Variants in RBFOX1 observed in about 807,000 individuals in gnomAD.
The protein encoded by RBFOX1 is RNA binding fox-1 homolog 1, also known as RNA binding protein fox-1 homolog 1.
In RBFOX1, 8 loss-of-function variants were observed where a neutral mutation model predicts 57.7. The observed-to-expected ratio is 0.14, with a 90% CI of 0.08 to 0.25. The LOEUF (loss-of-function observed/expected upper bound fraction) is 0.25. Among genes scored for constraint, RBFOX1 ranks in the 10% least tolerant of loss-of-function variants. RBFOX1 has a pLI of 1.00. For synonymous variants in RBFOX1, 326 were observed against 222.4 expected, an observed-to-expected ratio of 1.47 and a Z score of -4.15; for missense variants, 611 against 548.5, an observed-to-expected ratio of 1.11 and a Z score of -1.14.
chr16:7,638,478 T>A (rs1462836931), intron 11 of RBFOX1, among the ~76,000 whole-genome samples: 1 of 152,058 alleles, frequency 6.6e-6, no homozygotes, highest in African/African-American at 2.4e-5. Flanking sequence ...CAGGGAGTGG[T>A]CACGGGGAAC....
chr16:6,267,830 C>T (rs2074713495), intron 1 of RBFOX1, among the ~76,000 whole-genome samples: 1 of 152,150 alleles, frequency 6.6e-6, no homozygotes, highest in African/African-American at 2.4e-5. Flanking sequence ...GTTGGACATC[C>T]TGTGACAGTT....
chr16:6,420,340 G>A (rs905455129), intron 2 of RBFOX1, among the ~76,000 whole-genome samples: 1 of 121,250 alleles, frequency 8.2e-6, no homozygotes, highest in African/African-American at 2.6e-5. Flanking sequence ...AGAGTGTGGG[G>A]AGATTTTTTT....
chr16:5,881,441 A>AGGCT (rs2057760292), intron 4 of RBFOX1, among the ~76,000 whole-genome samples: 2 of 152,140 alleles, frequency 1.3e-5, no homozygotes, highest in Non-Finnish European at 2.9e-5. Flanking sequence ...GCACTTTGGG[A>AGGCT]GGCTGAGGCA....
At chr16:6,156,843 T>G (rs902612145) in intron 1 of RBFOX1, among the ~76,000 whole-genome samples, 1 of 152,188 alleles carries the variant, frequency 6.6e-6, no homozygotes, top group Admixed American at 6.5e-5. Flanking sequence ...TGTATTTTAT[T>G]TCTTATTATT....
chr16:7,020,443 A>G (rs1001535332), intron 3 of RBFOX1, among the ~76,000 whole-genome samples: 26 of 150,616 alleles, frequency 1.7e-4, no homozygotes, highest in Non-Finnish European at 5.9e-5. Context: ...CTGGTCTTGA[A>G]CTCCTGATCT....
chr16:7,628,990 T>C (rs1463627305), intron 10 of RBFOX1, among the ~76,000 whole-genome samples: 3 of 152,334 alleles, frequency 2.0e-5, no homozygotes, highest in African/African-American at 7.2e-5. Context: ...CGCCAGACTC[T>C]TGATATATTT....
At chr16:6,310,214 C>T (rs987482712) in intron 1 of RBFOX1, among the ~76,000 whole-genome samples, 1 of 152,042 alleles carries the variant, frequency 6.6e-6, no homozygotes, top group African/African-American at 2.4e-5. Context: ...GCATAAGCCA[C>T]ATGTAAACCT....
chr16:7,412,915 G>A (rs901206560), intron 4 of RBFOX1, among the ~76,000 whole-genome samples: 8 of 152,098 alleles, frequency 5.3e-5, no homozygotes, highest in Non-Finnish European at 1.0e-4. Flanking sequence ...CATGGTGGGC[G>A]CCTGCAGTCC....
chr16:6,722,369 G>C (rs1475304224), intron 3 of RBFOX1, among the ~76,000 whole-genome samples: 1 of 152,172 alleles, frequency 6.6e-6, no homozygotes, highest in African/African-American at 2.4e-5. Flanking sequence ...ACAGGTGTGA[G>C]GAGGTTGCTC....
chr16:7,039,341 C>A (rs775801090), intron 3 of RBFOX1, among the ~76,000 whole-genome samples: 1 of 152,154 alleles, frequency 6.6e-6, no homozygotes, highest in Non-Finnish European at 1.5e-5. Context: ...CAAAACCAGA[C>A]AAGATTTTTA....
chr16:6,366,099 G>A (rs201668542), intron 2 of RBFOX1, among the ~76,000 whole-genome samples: 1 of 151,472 alleles, frequency 6.6e-6, no homozygotes, highest in African/African-American at 2.4e-5. Flanking sequence ...GTGTGTGTGT[G>A]TGTGTGTGTG....
At chr16:5,277,050 C>T (rs2063158979) in intron 1 of RBFOX1, among the ~76,000 whole-genome samples, 1 of 152,226 alleles carries the variant, frequency 6.6e-6, no homozygotes, top group African/African-American at 2.4e-5. Context: ...CCCAAATGCC[C>T]ATCAGTCAAT....
Position 6,521,510 on chromosome 16 carries a change from C to T in RBFOX1, c.-63-133093C>T, listed in dbSNP as rs186260566. Among the ~76,000 whole-genome samples the T allele has an allele frequency of 6.8e-5, 10 of 147,902 alleles. No individual in the cohort carries two copies. The East Asian group carries it at 2.0e-3, about 30-fold the overall frequency. ...CCTCTCCTCCCGTTTTATCCCCTCC[C>T]CTTCGCTTTTCCCTCCCTCCTTCCT... On this transcript the variant is annotated intron_variant, in intron 2 of 15. Transcript: ENST00000550418.
At chr16:5,871,504 G>C (rs115938577) in intron 4 of RBFOX1, among the ~76,000 whole-genome samples, 3,027 of 152,240 alleles carry the variant, frequency 0.02, 93 homozygotes, top group African/African-American at 0.067. Flanking sequence ...CATTAAGCCT[G>C]TTTTATCGCA....
At position 7,285,075 on chromosome 16, in the gene RBFOX1, CTTTTTTTTTTTT is replaced by C. The variant is rs58959488; in HGVS notation, c.27+232996_27+233007del. On this transcript the variant is annotated intron_variant, in intron 4 of 15. Coordinates refer to ENST00000550418, the MANE Select transcript of RBFOX1 (RefSeq NM_018723.4). ...CCCTTTGCTATCTATAGATTCCTTA[CTTTTTTTTTTTT>C]TTTTTTTTTTTTTTTTTTAGCAACC... Among the ~76,000 whole-genome samples the C allele has an allele frequency of 3.5e-4, 15 of 42,732 alleles. 1 individual carries two copies. Among genetic ancestry groups the C allele is most frequent in the South Asian group, 2.4e-3 (3 of 1,248 alleles). 28.0% of individuals were successfully genotyped at this position (42,732 alleles called of 152,430 possible).
At chr16:6,924,261 T>C (rs577551168) in intron 3 of RBFOX1, among the ~76,000 whole-genome samples, 1 of 152,136 alleles carries the variant, frequency 6.6e-6, no homozygotes, top group Non-Finnish European at 1.5e-5. Context: ...ACAGTTCTGC[T>C]GGCTGTGCAG....
chr16:6,061,473 A>C (rs902478472), intron 1 of RBFOX1, among the ~76,000 whole-genome samples: 1 of 151,812 alleles, frequency 6.6e-6, no homozygotes, highest in African/African-American at 2.4e-5. Flanking sequence ...GTATACATCT[A>C]TTTTCATTGT....
intron 10 of RBFOX1, among the ~76,000 whole-genome samples, chr16:7,624,137 G>A (rs1159862052): frequency 1.3e-5 from 2 of 152,162 alleles, no homozygotes; most frequent in African/African-American, 4.8e-5. Flanking sequence ...GCCAGTAAAG[G>A]AGGACTAATG....
intron 3 of RBFOX1, among the ~76,000 whole-genome samples, chr16:5,861,678 C>T (rs1407826089): frequency 6.6e-6 from 1 of 152,208 alleles, no homozygotes; most frequent in Non-Finnish European, 1.5e-5. Flanking sequence ...ATGACGGTGC[C>T]AGCATTTGGA....
Sources: gnomAD v4.1 joint callset for allele counts (sites outside exome capture counted in the v4.1 genomes callset) on GRCh38, gnomAD v4.1.1 for gene constraint, MANE v1.5 for transcripts, NCBI Gene and HGNC (gene_info 2026-07-23, HGNC 2026-07-21) for gene names.